Variants in RBFOX1 observed in about 807,000 individuals in gnomAD.
RBFOX1 encodes the protein RNA binding protein fox-1 homolog 1.
In RBFOX1, 8 loss-of-function variants were observed where a neutral mutation model predicts 57.7. That is an observed-to-expected ratio of 0.14 (90% CI 0.08 to 0.25). The LOEUF is 0.25. RBFOX1 is among the 10% of genes least tolerant of loss of function. The probability of loss-of-function intolerance (pLI) is 1.00; values close to 1 mark genes in which losing one functional copy is unlikely to be tolerated. For synonymous variants in RBFOX1, 326 were observed against 222.4 expected, an observed-to-expected ratio of 1.47 and a Z score of -4.15; for missense variants, 611 against 548.5, an observed-to-expected ratio of 1.11 and a Z score of -1.14.
At chr16:6,889,628 C>G (rs941971658) in intron 3 of RBFOX1, among the ~76,000 whole-genome samples, 1 of 152,150 alleles carries the variant, frequency 6.6e-6, no homozygotes, top group Non-Finnish European at 1.5e-5. Flanking sequence ...AGTGCCAATC[C>G]ATATCCGTAA....
intron 4 of RBFOX1, among the ~76,000 whole-genome samples, chr16:7,267,710 A>G (rs8060861): frequency 0.38 from 58,141 of 151,784 alleles, 13,954 homozygotes; most frequent in African/African-American, 0.68. Flanking sequence ...CAAAAAATTA[A>G]CTGGTTGTGA....
At chr16:6,883,443 C>A (rs1492378) in intron 3 of RBFOX1, among the ~76,000 whole-genome samples, 119,657 of 152,162 alleles carry the variant, frequency 0.79, 47,959 homozygotes, top group African/African-American at 0.94. Flanking sequence ...AGACATTGTA[C>A]AAGATTTTAT....
Position 5,880,505 on chromosome 16 carries a change from C to G in RBFOX1, c.351+13170C>G, listed in dbSNP as rs74004667. ...TCCATATTCTGCATCGTATTTCAATCTTACAATAATCCTATGGAAGATTTG... is the reference window on the plus strand; with the variant it reads ...TCCATATTCTGCATCGTATTTCAATGTTACAATAATCCTATGGAAGATTTG... On this transcript the variant is annotated intron_variant, in intron 4 of 19. Coordinates refer to the RBFOX1 transcript ENST00000641259. Among the ~76,000 whole-genome samples, 618 of 152,312 alleles carry G rather than the reference C, an allele frequency of 4.1e-3. 9 individuals carry two copies. Among genetic ancestry groups the G allele is most frequent in the African/African-American group, 0.014 (590 of 41,558 alleles).
intron 5 of RBFOX1, among the ~76,000 whole-genome samples, chr16:7,536,102 T>G (rs2081404369): frequency 1.3e-5 from 2 of 152,166 alleles, no homozygotes; most frequent in Admixed American, 1.3e-4. Context: ...CCCATGGAAA[T>G]AAGAAAACAC....
At chr16:6,942,014 A>C (rs1811200037) in intron 3 of RBFOX1, among the ~76,000 whole-genome samples, 1 of 152,116 alleles carries the variant, frequency 6.6e-6, no homozygotes, top group Non-Finnish European at 1.5e-5. Flanking sequence ...AGATAATTTG[A>C]AATTAGGAGT....
intron 4 of RBFOX1, among the ~76,000 whole-genome samples, chr16:7,297,421 G>C (rs192439553): frequency 6.6e-6 from 1 of 152,172 alleles, no homozygotes; most frequent in Admixed American, 6.5e-5. Flanking sequence ...TGAGGATCTG[G>C]GTATTTTTAT....
At chr16:7,015,994 T>C (rs1353229873) in intron 3 of RBFOX1, among the ~76,000 whole-genome samples, 1 of 152,156 alleles carries the variant, frequency 6.6e-6, no homozygotes, top group African/African-American at 2.4e-5. Flanking sequence ...CAGTAGTTAT[T>C]GCTGTGTGGT....
chr16:6,968,508 T>C (rs930647667), intron 3 of RBFOX1, among the ~76,000 whole-genome samples: 4 of 152,182 alleles, frequency 2.6e-5, no homozygotes, highest in Admixed American at 2.0e-4. Context: ...AGTTCTCCCA[T>C]AGCCGTTTCC....
At chr16:7,026,278 G>T (rs575634202) in intron 3 of RBFOX1, among the ~76,000 whole-genome samples, 3 of 152,262 alleles carry the variant, frequency 2.0e-5, no homozygotes, top group African/African-American at 7.2e-5. Context: ...TGACTTGGAG[G>T]CGTGGAGATT....
At chr16:5,273,813 G>C (rs1042814796) in intron 1 of RBFOX1, among the ~76,000 whole-genome samples, 1 of 152,124 alleles carries the variant, frequency 6.6e-6, no homozygotes, top group Admixed American at 6.5e-5. Context: ...AGAGTTCGGG[G>C]GATGTAGTTC....
chr16:5,565,762 T>C (rs2046045790), intron 2 of RBFOX1, among the ~76,000 whole-genome samples: 1 of 152,092 alleles, frequency 6.6e-6, no homozygotes, highest in East Asian at 1.9e-4. Context: ...TCCTGAGATA[T>C]TTTCTAGTAG....
intron 3 of RBFOX1, among the ~76,000 whole-genome samples, chr16:6,763,342 C>A (rs973455928): frequency 6.6e-6 from 1 of 152,214 alleles, no homozygotes; most frequent in African/African-American, 2.4e-5. Flanking sequence ...ACTTGTAAGC[C>A]CATCACCAGT....
At chr16:6,452,972 G>A (rs966602254) in intron 2 of RBFOX1, among the ~76,000 whole-genome samples, 3 of 152,140 alleles carry the variant, frequency 2.0e-5, no homozygotes, top group African/African-American at 7.2e-5. Flanking sequence ...TCTGTATGAT[G>A]TTCAGCGTTG....
intron 3 of RBFOX1, among the ~76,000 whole-genome samples, chr16:5,606,557 A>G (rs1313008282): frequency 6.6e-6 from 1 of 151,702 alleles, no homozygotes; most frequent in African/African-American, 2.4e-5. Flanking sequence ...TATCACAGTC[A>G]CTGCTAAGAG....
At chr16:5,463,942 G>A (rs949147020) in intron 1 of RBFOX1, among the ~76,000 whole-genome samples, 9 of 152,176 alleles carry the variant, frequency 5.9e-5, no homozygotes, top group Admixed American at 3.9e-4. Flanking sequence ...ACAAAGAGAG[G>A]TGTCCAGCAG....
At chr16:7,643,418 A>G (rs1298321458) in intron 11 of RBFOX1, among the ~76,000 whole-genome samples, 2 of 152,372 alleles carry the variant, frequency 1.3e-5, no homozygotes, top group Middle Eastern at 3.4e-3. Context: ...AAGCAATTAT[A>G]TATAGAAAAA....
intron 2 of RBFOX1, among the ~76,000 whole-genome samples, chr16:6,333,780 C>G (rs1207028751): frequency 6.6e-6 from 1 of 152,134 alleles, no homozygotes; most frequent in East Asian, 1.9e-4. Context: ...GCAGTAACAT[C>G]TTTTCTACAA....
chr16:6,033,187 G>T (rs929288125), intron 1 of RBFOX1, among the ~76,000 whole-genome samples: 7 of 152,178 alleles, frequency 4.6e-5, no homozygotes, highest in Admixed American at 2.0e-4. Context: ...ACAGGAAAAA[G>T]ATTCACTCAA....
Position 5,669,844 on chromosome 16 carries a change from T to C in RBFOX1, c.318+70883T>C, listed in dbSNP as rs1429787612. Among the ~76,000 whole-genome samples, 3 of 152,352 alleles carry C rather than the reference T, an allele frequency of 2.0e-5. No individual in the cohort carries two copies. The East Asian group carries it at 5.8e-4, about 29-fold the overall frequency. ...TTGCCATAGGGCCCAGCAATTCTTT[T>C]GTCAGGTATATGTATATGTCCACAA... On this transcript the variant is annotated intron_variant, in intron 3 of 19. Transcript: ENST00000641259.
Sources: allele counts gnomAD v4.1 joint callset (sites outside exome capture counted in the v4.1 genomes callset), GRCh38; gene constraint gnomAD v4.1.1; transcripts MANE v1.5; gene names NCBI Gene and HGNC (gene_info 2026-07-23, HGNC 2026-07-21).